The following MARK3 variants were observed in gnomAD, a reference collection of about 807,000 sequenced individuals.
The protein encoded by MARK3 is microtubule affinity regulating kinase 3, also known as MAP/microtubule affinity-regulating kinase 3.
A neutral mutation model predicts 90.1 loss-of-function variants in MARK3; 46 were observed. The ratio of observed to expected loss-of-function variants is 0.51; its 90% confidence interval spans 0.40 to 0.65. The LOEUF is 0.65. Among genes scored for constraint, MARK3 ranks in the 30% least tolerant of loss-of-function variants. MARK3 has a pLI of 0.00. For synonymous variants in MARK3, 321 were observed against 332.6 expected (o/e 0.97, Z 0.38); for missense variants, 818 against 947.2 (o/e 0.86, Z 1.79).
intron 14 of MARK3, among the ~76,000 whole-genome samples, chr14:103,482,607 ACTGT>A (rs973472865): frequency 2.0e-5 from 3 of 152,054 alleles, no homozygotes; most frequent in Non-Finnish European, 2.9e-5. Context: ...AGGATATGTG[ACTGT>A]CTGAGGTGCA....
At chr14:103,500,100 G>T (rs532221820) in intron 16 of MARK3, 56 bp from the exon 17 acceptor site, 10 of 1,413,920 alleles carry the variant, frequency 7.1e-6, no homozygotes, top group South Asian at 6.0e-5. Flanking sequence ...GTACTGGCAT[G>T]TAAGATTTCT....
intron 14 of MARK3, among the ~76,000 whole-genome samples, chr14:103,484,163 C>CTTTTTTTTTTTTTTTTTT (rs34512580): frequency 1.4e-5 from 2 of 146,282 alleles, no homozygotes; most frequent in African/African-American, 5.0e-5. Flanking sequence ...AGAATCTTTT[C>CTTTTTTTTTTTTTTTTTT]TTTTTTTTTT....
intron 1 of MARK3, among the ~76,000 whole-genome samples, chr14:103,391,181 A>T (rs1003120408): frequency 6.6e-6 from 1 of 152,194 alleles, no homozygotes; most frequent in Non-Finnish European, 1.5e-5. Context: ...CAGGAATGCT[A>T]CTAAACATTT....
At chr14:103,442,687 A>G (rs1404986970) in intron 3 of MARK3, among the ~76,000 whole-genome samples, 2 of 152,272 alleles carry the variant, frequency 1.3e-5, no homozygotes, top group Non-Finnish European at 2.9e-5. Context: ...CAGTATATCT[A>G]GGAATTAATG....
intron 14 of MARK3, among the ~76,000 whole-genome samples, chr14:103,486,433 A>T (rs2093930542): frequency 6.6e-6 from 1 of 152,108 alleles, no homozygotes; most frequent in African/African-American, 2.4e-5. Flanking sequence ...AGCCAGACCC[A>T]GTCTCAAAAA....
intron 2 of MARK3, among the ~76,000 whole-genome samples, chr14:103,427,880 G>A (rs2092462105): frequency 6.6e-6 from 1 of 152,138 alleles, no homozygotes; most frequent in Admixed American, 6.5e-5. Flanking sequence ...TCTATCAGCA[G>A]GGTCTTTGTG....
chr14:103,399,306 TTTCTTA>T (rs2140555566), intron 1 of MARK3, among the ~76,000 whole-genome samples: 1 of 152,350 alleles, frequency 6.6e-6, no homozygotes. Flanking sequence ...CATTCCCATT[TTTCTTA>T]TTGCTTTGAG....
At chr14:103,467,674 C>CAAAAAA (rs10525116) in intron 11 of MARK3, 1,499 of 44,892 alleles carry the variant, frequency 0.033, 279 homozygotes, top group Middle Eastern at 0.054. Flanking sequence ...GACTCTGTCT[C>CAAAAAA]AAAAAAAAAA....
At chr14:103,410,309 A>G (rs2091555053) in intron 2 of MARK3, among the ~76,000 whole-genome samples, 1 of 152,204 alleles carries the variant, frequency 6.6e-6, no homozygotes, top group Admixed American at 6.5e-5. Flanking sequence ...GGAGAAAGGA[A>G]GAAAAGAGGG....
intron 3 of MARK3, among the ~76,000 whole-genome samples, chr14:103,446,840 G>A (rs1394388547): frequency 2.7e-5 from 4 of 150,098 alleles, no homozygotes; most frequent in African/African-American, 9.8e-5. Flanking sequence ...GAAGTAATTG[G>A]GAGATTTGAA....
intron 6 of MARK3, among the ~76,000 whole-genome samples, chr14:103,461,914 T>G (rs10134580): frequency 0.34 from 50,886 of 151,732 alleles, 8,859 homozygotes; most frequent in Middle Eastern, 0.45. Context: ...TGCACACTTG[T>G]AATCCCAGCT....
At chr14:103,500,418 G>C (rs1050632868) in intron 17 of MARK3, among the ~76,000 whole-genome samples, 1 of 152,180 alleles carries the variant, frequency 6.6e-6, no homozygotes, top group African/African-American at 2.4e-5. Context: ...AAAGCACGGC[G>C]AGGCCTTCAG....
At chr14:103,415,623 T>G (rs2091910314) in intron 2 of MARK3, among the ~76,000 whole-genome samples, 1 of 151,902 alleles carries the variant, frequency 6.6e-6, no homozygotes, top group Non-Finnish European at 1.5e-5. Context: ...TTCTTTCAAG[T>G]TCATTATTTT....
At position 103,385,963 on chromosome 14, in the gene MARK3, G is replaced by C. The variant is rs1003933327; in HGVS notation, c.-67G>C. On this transcript the variant is annotated 5_prime_UTR_variant, in exon 1 of 18. Transcript: ENST00000429436. ...TGCCGTGGACTCGAGGACGCTGGTC[G>C]CCGGCCTCCTAGGGCTGTGCTGTTT... The C allele has an allele frequency of 1.5e-6, 2 of 1,347,748 alleles. No homozygotes were observed. Among genetic ancestry groups the C allele is most frequent in the Non-Finnish European group, 2.1e-6 (2 of 938,064 alleles). 83.5% of individuals were successfully genotyped at this position (1,347,748 alleles called of 1,614,324 possible). A position where few individuals can be genotyped will look rare whatever the true frequency, so the allele number is the denominator to read the frequency against.
chr14:103,441,707 G>A (rs2092861132), intron 3 of MARK3: 1 of 152,048 alleles, frequency 6.6e-6, no homozygotes, highest in South Asian at 2.1e-4. Flanking sequence ...ACGAGGTAGG[G>A]ATCCAGTTTC....
At chr14:103,425,254 T>TTATTTATG (rs1355582146) in intron 2 of MARK3, among the ~76,000 whole-genome samples, 4 of 68,786 alleles carry the variant, frequency 5.8e-5, no homozygotes, top group African/African-American at 2.5e-4. Context: ...TATTTATTAT[T>TTATTTATG]TATTTATTTA....
chr14:103,465,216 C>T (rs985574011), intron 7 of MARK3, among the ~76,000 whole-genome samples: 1 of 152,206 alleles, frequency 6.6e-6, no homozygotes, highest in Admixed American at 6.5e-5. Context: ...GATTCGTCCA[C>T]CTCGGCCTCC....
intron 4 of MARK3, among the ~76,000 whole-genome samples, chr14:103,451,106 A>G (rs1432448332): frequency 6.6e-6 from 1 of 151,174 alleles, no homozygotes; most frequent in Non-Finnish European, 1.5e-5. Context: ...AATTTTTGGC[A>G]TTTTTTTGTA....
chr14:103,499,984 C>T lies in MARK3; in HGVS notation c.1872-172C>T, dbSNP rs2075568799. On this transcript the variant is annotated intron_variant, in intron 16 of 17. Coordinates refer to ENST00000429436, the MANE Select transcript of MARK3 (RefSeq NM_001128918.3). ...TGCAGCCTTGTGGAAGAAGGTAGCG[C>T]TGGCTCAGTCAAATGAGAGGAAGAG... 4.7e-6 allele frequency: 3 copies of T among 639,498 alleles called. No individual in the cohort carries two copies. The Admixed American group carries it at 6.7e-5, about 14-fold the overall frequency. The allele number at this position is 639,498 out of a possible 1,614,324, so 39.6% of individuals were successfully genotyped here.
Sources: allele counts gnomAD v4.1 joint callset (sites outside exome capture counted in the v4.1 genomes callset), GRCh38; gene constraint gnomAD v4.1.1; transcripts MANE v1.5; gene names NCBI Gene and HGNC (gene_info 2026-07-23, HGNC 2026-07-21).